Variants in NOL4 observed in about 807,000 individuals in gnomAD.
The protein encoded by NOL4 is cancer/testis antigen 125.
A neutral mutation model predicts 75.9 loss-of-function variants in NOL4; 17 were observed. That is an observed-to-expected ratio of 0.22 (90% CI 0.15 to 0.34). The LOEUF (loss-of-function observed/expected upper bound fraction) is 0.34. Among genes scored for constraint, NOL4 ranks in the 10% least tolerant of loss-of-function variants. The pLI is 1.00. For synonymous variants in NOL4, 292 were observed against 289.9 expected (o/e 1.01, Z -0.07); for missense variants, 614 against 793.5 (o/e 0.77, Z 2.72).
intron 5 of NOL4, among the ~76,000 whole-genome samples, chr18:34,024,680 T>A (rs1490842521): frequency 2.6e-5 from 4 of 152,128 alleles, no homozygotes; most frequent in Non-Finnish European, 5.9e-5. Flanking sequence ...GCTGAATGAA[T>A]CCTTGGTAGC....
chr18:34,039,551 A>C (rs935035250), intron 5 of NOL4, among the ~76,000 whole-genome samples: 5 of 152,014 alleles, frequency 3.3e-5, no homozygotes, highest in African/African-American at 1.2e-4. Context: ...TTTACTTGTC[A>C]TTTCAGCAAA....
In NOL4 at chr18:34,067,732, G is replaced by T. The variant is rs114074181; in HGVS notation, c.772+25733C>A. On this transcript the variant is annotated intron_variant, in intron 5 of 10. Transcript: ENST00000261592. ...GATGGAGTTGCCTTTGAGAAGGAAAGGACTGCAGGTGGAGTAGGTTTTATT... is the reference window on the plus strand; with the variant it reads ...GATGGAGTTGCCTTTGAGAAGGAAATGACTGCAGGTGGAGTAGGTTTTATT... Among the ~76,000 whole-genome samples, 1,194 of 152,250 alleles carry T rather than the reference G, an allele frequency of 7.8e-3. 18 individuals carry two copies. Among genetic ancestry groups the T allele is most frequent in the African/African-American group, 0.028 (1,155 of 41,552 alleles).
intron 1 of NOL4, among the ~76,000 whole-genome samples, chr18:34,212,950 G>A (rs1165712177): frequency 6.6e-6 from 1 of 152,144 alleles, no homozygotes; most frequent in Non-Finnish European, 1.5e-5. Flanking sequence ...AGATCCCCAT[G>A]AAAGGCCCCC....
intron 9 of NOL4, among the ~76,000 whole-genome samples, chr18:33,901,140 T>C (rs918471303): frequency 1.3e-5 from 2 of 152,220 alleles, no homozygotes; most frequent in African/African-American, 4.8e-5. Context: ...GATTATTTTA[T>C]ATTTGCCTTT....
intron 1 of NOL4, among the ~76,000 whole-genome samples, chr18:34,210,788 T>A (rs553170893): frequency 2.4e-4 from 36 of 152,232 alleles, no homozygotes; most frequent in Non-Finnish European, 4.4e-4. Flanking sequence ...AGTGACCTTT[T>A]TTATTTGAAA....
At chr18:34,130,672 G>C (rs2145908091) in intron 1 of NOL4, among the ~76,000 whole-genome samples, 1 of 152,004 alleles carries the variant, frequency 6.6e-6, no homozygotes, top group Admixed American at 6.6e-5. Flanking sequence ...AAAATAAAGA[G>C]CCCACTACAC....
At chr18:34,034,672 G>A (rs1374824602) in intron 5 of NOL4, among the ~76,000 whole-genome samples, 1 of 152,070 alleles carries the variant, frequency 6.6e-6, no homozygotes, top group Non-Finnish European at 1.5e-5. Context: ...TTCGGGAGGT[G>A]GAGGTCACAG....
In NOL4 at chr18:34,140,572, T is replaced by A. The variant is rs555587285; in HGVS notation, c.265-10552A>T. ...TCCCTTTATTTTGAGCCTATGTGTG[T>A]CTCTGCACATGAGATGGGTCTCCTG... On this transcript the variant is annotated intron_variant, in intron 1 of 10. Coordinates refer to ENST00000261592, the MANE Select transcript of NOL4 (RefSeq NM_003787.5). 2.1e-3 allele frequency among the ~76,000 whole-genome samples: 317 copies of A among 152,270 alleles called. 2 individuals carry two copies. The highest frequency in any genetic ancestry group is 7.4e-3 in the African/African-American group (307 of 41,550).
At chr18:34,205,390 C>A (rs746240628) in intron 1 of NOL4, among the ~76,000 whole-genome samples, 1 of 152,046 alleles carries the variant, frequency 6.6e-6, no homozygotes, top group Non-Finnish European at 1.5e-5. Context: ...TTCTAGGAAA[C>A]GAAACCCAAA....
intron 9 of NOL4, among the ~76,000 whole-genome samples, chr18:33,886,288 G>A (rs974175766): frequency 2.6e-5 from 4 of 152,042 alleles, no homozygotes; most frequent in Admixed American, 6.6e-5. Context: ...GGCACTTTGG[G>A]AGGCTGAGCC....
intron 1 of NOL4, among the ~76,000 whole-genome samples, chr18:34,179,292 T>G (rs911921451): frequency 6.6e-6 from 1 of 151,178 alleles, no homozygotes; most frequent in Non-Finnish European, 1.5e-5. Context: ...CCTTCCACCT[T>G]AATAAACTAG....
At chr18:34,142,691 G>A (rs931779442) in intron 1 of NOL4, among the ~76,000 whole-genome samples, 3 of 152,126 alleles carry the variant, frequency 2.0e-5, no homozygotes, top group Admixed American at 1.3e-4. Flanking sequence ...TGGGGTGGGG[G>A]GAGGATGGAG....
chr18:34,105,761 A>G (rs2079244330), intron 2 of NOL4, among the ~76,000 whole-genome samples: 1 of 151,968 alleles, frequency 6.6e-6, no homozygotes. Flanking sequence ...TTTTATGTCA[A>G]TTTTTTATAA....
chr18:34,183,686 C>T (rs1421679841), intron 1 of NOL4: 1 of 151,938 alleles, frequency 6.6e-6, no homozygotes, highest in African/African-American at 2.4e-5. Flanking sequence ...CATACCACCT[C>T]CACTGCCTTT....
At chr18:34,079,145 C>A (rs1359835688) in intron 5 of NOL4, among the ~76,000 whole-genome samples, 1 of 152,186 alleles carries the variant, frequency 6.6e-6, no homozygotes, top group Admixed American at 6.5e-5. Flanking sequence ...CCACTCCTTT[C>A]TCTCTAGGAA....
intron 1 of NOL4, among the ~76,000 whole-genome samples, chr18:34,185,099 T>C (rs1055385855): frequency 7.2e-5 from 11 of 152,144 alleles, no homozygotes; most frequent in African/African-American, 2.7e-4. Context: ...TTATCAGTAC[T>C]CTTTTCAGCT....
intron 6 of NOL4, among the ~76,000 whole-genome samples, chr18:34,014,090 G>C (rs1393575455): frequency 1.3e-5 from 2 of 151,740 alleles, no homozygotes; most frequent in Non-Finnish European, 2.9e-5. Context: ...TTTTTAAAGA[G>C]ATATTTTGAA....
intron 6 of NOL4, among the ~76,000 whole-genome samples, chr18:33,976,607 T>C (rs1213921428): frequency 1.3e-5 from 2 of 152,126 alleles, no homozygotes; most frequent in Non-Finnish European, 2.9e-5. Context: ...TCATTTAGAT[T>C]TTGGGAAAGT....
chr18:33,862,617 A>G (rs576744405), intron 10 of NOL4, among the ~76,000 whole-genome samples: 7 of 152,258 alleles, frequency 4.6e-5, no homozygotes, highest in Non-Finnish European at 8.8e-5. Flanking sequence ...AAAGGACACG[A>G]ACAGAAACTT....
Sources: allele counts gnomAD v4.1 joint callset (sites outside exome capture counted in the v4.1 genomes callset), GRCh38; gene constraint gnomAD v4.1.1; transcripts MANE v1.5; gene names NCBI Gene and HGNC (gene_info 2026-07-23, HGNC 2026-07-21).